Variants in LRBA observed in about 807,000 individuals in gnomAD.
The protein encoded by LRBA is LPS responsive beige-like anchor protein.
LRBA carries 176 observed loss-of-function variants against 330.0 expected under a neutral mutation model. The observed-to-expected ratio is 0.53, with a 90% CI of 0.47 to 0.60. LRBA has a LOEUF of 0.60. Among genes scored for constraint, LRBA ranks in the 20% least tolerant of loss-of-function variants. The pLI, the probability that LRBA is intolerant of heterozygous loss-of-function variation, is 0.00. For synonymous variants in LRBA, 1,230 were observed against 1,193.0 expected, an observed-to-expected ratio of 1.03 and a Z score of -0.64; for missense variants, 3,259 against 3,444.8, an observed-to-expected ratio of 0.95 and a Z score of 1.35.
In LRBA at chr4:150,590,858, G is replaced by A; in HGVS notation, c.6048C>T (p.Ala2016=). The A allele has an allele frequency of 6.2e-7, 1 of 1,613,420 alleles. No individual in the cohort carries two copies. The change falls in exon 39 of 57, where the codon GCC becomes GCT. Residue 2016 remains alanine (A), a splice_region_variant and synonymous_variant. Coordinates refer to ENST00000651943, the MANE Select transcript of LRBA (RefSeq NM_001364905.1). ...CTTTAGCAAGGATATCTTCATCTGTGGCTGAAATGAAAAGGAAACAAAGCT... is the reference window on the plus strand; with the variant it reads ...CTTTAGCAAGGATATCTTCATCTGTAGCTGAAATGAAAAGGAAACAAAGCT... ...EATLKTAVEH[A]TDEDILAKGK... is the part of the protein sequence containing the mutation.
chr4:150,569,368 G>C (rs1224716990), intron 40 of LRBA, among the ~76,000 whole-genome samples: 1 of 152,092 alleles, frequency 6.6e-6, no homozygotes, highest in African/African-American at 2.4e-5. Context: ...TTATATTCTA[G>C]ATTTTAAAAA....
chr4:150,333,374 T>C (rs113138214), intron 48 of LRBA, among the ~76,000 whole-genome samples: 1 of 152,010 alleles, frequency 6.6e-6, no homozygotes, highest in African/African-American at 2.4e-5. Context: ...CACTATAAAA[T>C]TGGAATAGGG....
intron 48 of LRBA, among the ~76,000 whole-genome samples, chr4:150,336,111 A>C (rs1486885909): frequency 1.3e-5 from 2 of 152,214 alleles, no homozygotes; most frequent in African/African-American, 2.4e-5. Context: ...GGTGTGTTAC[A>C]TAGGTAAACT....
chr4:150,375,253 C>G (rs1312112297), intron 47 of LRBA, among the ~76,000 whole-genome samples: 1 of 152,132 alleles, frequency 6.6e-6, no homozygotes, highest in Non-Finnish European at 1.5e-5. Context: ...GCAGTCCTGT[C>G]TCCTGTTTTT....
intron 33 of LRBA, among the ~76,000 whole-genome samples, chr4:150,804,313 G>C (rs1742224297): frequency 6.6e-6 from 1 of 152,026 alleles, no homozygotes. Context: ...CTTTTTGACT[G>C]CATGAAAATA....
intron 53 of LRBA, among the ~76,000 whole-genome samples, chr4:150,295,250 G>A (rs1728838327): frequency 6.8e-6 from 1 of 147,580 alleles, no homozygotes. Flanking sequence ...TGCCCAGGCT[G>A]GAGTGCAATG....
intron 43 of LRBA, among the ~76,000 whole-genome samples, chr4:150,468,729 C>A (rs1755747271): frequency 1.3e-5 from 2 of 151,794 alleles, no homozygotes; most frequent in Non-Finnish European, 2.9e-5. Context: ...ATTTCCATTC[C>A]TTTTTCTTTC....
chr4:150,606,359 C>T (rs1774625765), intron 37 of LRBA, among the ~76,000 whole-genome samples: 4 of 152,066 alleles, frequency 2.6e-5, no homozygotes, highest in Admixed American at 2.0e-4. Flanking sequence ...AAGCTCACCT[C>T]AGCCTCACTA....
intron 37 of LRBA, among the ~76,000 whole-genome samples, chr4:150,646,905 GA>G (rs1212626928): frequency 6.6e-6 from 1 of 151,878 alleles, no homozygotes; most frequent in Non-Finnish European, 1.5e-5. Flanking sequence ...TCCAAAATAT[GA>G]AAAAAATATG....
chr4:150,289,113 A>T (rs1748539719), intron 53 of LRBA, among the ~76,000 whole-genome samples: 1 of 152,216 alleles, frequency 6.6e-6, no homozygotes, highest in Non-Finnish European at 1.5e-5. Context: ...TTCTATGACT[A>T]CAAAGTTAAG....
chr4:151,012,206 TA>T (rs985259662), intron 2 of LRBA, among the ~76,000 whole-genome samples: 4 of 152,190 alleles, frequency 2.6e-5, no homozygotes, highest in African/African-American at 9.6e-5. Context: ...TTGAAGGACT[TA>T]ACCAATGACC....
intron 44 of LRBA, among the ~76,000 whole-genome samples, chr4:150,437,122 T>C (rs1216125424): frequency 2.0e-5 from 3 of 152,086 alleles, no homozygotes; most frequent in Non-Finnish European, 4.4e-5. Flanking sequence ...AGGTGTTTAA[T>C]CATCCCATAA....
chr4:151,009,547 C>CAAAA (rs1352710334), intron 2 of LRBA, among the ~76,000 whole-genome samples: 2 of 83,466 alleles, frequency 2.4e-5, no homozygotes, highest in African/African-American at 4.5e-5. Flanking sequence ...GACTCTGTCT[C>CAAAA]AAAAAAAAAA....
intron 34 of LRBA, among the ~76,000 whole-genome samples, chr4:150,788,666 C>T (rs1050366748): frequency 2.0e-5 from 3 of 151,482 alleles, no homozygotes; most frequent in African/African-American, 7.3e-5. Context: ...GAAGCTGAGG[C>T]CAGAGAATCA....
chr4:150,492,982 A>G (rs1489591354), intron 40 of LRBA, among the ~76,000 whole-genome samples: 1 of 152,098 alleles, frequency 6.6e-6, no homozygotes, highest in Admixed American at 6.6e-5. Context: ...GAAATTTTAA[A>G]TATTAATTTA....
intron 48 of LRBA, among the ~76,000 whole-genome samples, chr4:150,346,775 A>AAC (rs1561046139): frequency 1.4e-5 from 2 of 147,908 alleles, no homozygotes; most frequent in South Asian, 2.1e-4. Flanking sequence ...AAAAAAAAAA[A>AAC]AAAAAAAAAA....
chr4:150,823,987 T>A (rs1412130142), intron 30 of LRBA, among the ~76,000 whole-genome samples: 1 of 152,210 alleles, frequency 6.6e-6, no homozygotes, highest in East Asian at 1.9e-4. Flanking sequence ...GGTATTTTGA[T>A]ATGGATTGCA....
chr4:150,653,078 C>T (rs1326516526), intron 37 of LRBA, among the ~76,000 whole-genome samples: 3 of 152,042 alleles, frequency 2.0e-5, no homozygotes, highest in Non-Finnish European at 2.9e-5. Flanking sequence ...CATGGTGGCT[C>T]ACAGCTGTAA....
At chr4:150,597,605 A>G (rs1773651484) in intron 38 of LRBA, among the ~76,000 whole-genome samples, 1 of 151,968 alleles carries the variant, frequency 6.6e-6, no homozygotes, top group Non-Finnish European at 1.5e-5. Context: ...AAAAATAATT[A>G]AATTTCAAAT....
Sources: allele counts gnomAD v4.1 joint callset (sites outside exome capture counted in the v4.1 genomes callset), GRCh38; gene constraint gnomAD v4.1.1; transcripts MANE v1.5; gene names NCBI Gene and HGNC (gene_info 2026-07-23, HGNC 2026-07-21).